Variants in PAQR3 observed in about 807,000 individuals in gnomAD.
The protein encoded by PAQR3 is progestin and adipoQ receptor family member 3.
PAQR3 carries 39 observed loss-of-function variants against 41.7 expected under a neutral mutation model. The ratio of observed to expected loss-of-function variants is 0.93; its 90% CI spans 0.72 to 1.22. The LOEUF is 1.22. Among genes scored for constraint, PAQR3 ranks in the 50% most tolerant of loss-of-function variants. The probability of loss-of-function intolerance (pLI) is 0.00; values close to 1 mark genes in which losing one functional copy is unlikely to be tolerated. For synonymous variants in PAQR3, 140 were observed against 140.6 expected (o/e 1.00, Z 0.03); for missense variants, 366 against 385.6 (o/e 0.95, Z 0.42).
intron 3 of PAQR3, among the ~76,000 whole-genome samples, chr4:78,929,455 T>G (rs1202624649): frequency 1.3e-5 from 2 of 152,184 alleles, no homozygotes; most frequent in Non-Finnish European, 2.9e-5. Flanking sequence ...GAGTTAAGGG[T>G]TCTACTCCGT....
chr4:78,938,964 A>C, intron 1 of PAQR3, 76 bp downstream of exon 1: 1 of 1,380,840 alleles, frequency 7.2e-7, no homozygotes, highest in African/African-American at 1.5e-5. Flanking sequence ...AAGGCGGGGA[A>C]AGCAGAAGGG....
chr4:78,890,942 C>A (rs1733400042), intron 11 of PAQR3, among the ~76,000 whole-genome samples: 1 of 152,134 alleles, frequency 6.6e-6, no homozygotes, highest in Non-Finnish European at 1.5e-5. Flanking sequence ...TGCCTGTAAT[C>A]CCAGCATTTT....
downstream of PAQR3, chr4:78,910,682 G>C (rs1179513676): frequency 6.2e-7 from 1 of 1,608,412 alleles, no homozygotes; most frequent in Admixed American, 1.7e-5. Flanking sequence ...ATCAAGAACG[G>C]TAAAACAAGT....
At chr4:78,929,239 G>A (rs1736568133) in intron 3 of PAQR3, among the ~76,000 whole-genome samples, 1 of 152,144 alleles carries the variant, frequency 6.6e-6, no homozygotes, top group Non-Finnish European at 1.5e-5. Context: ...GAAATAACTA[G>A]TAGGTATACT....
Position 78,900,655 on chromosome 4 carries a change from C to T in PAQR3, c.*836+5453G>A, listed in dbSNP as rs114016821. On this transcript the variant is annotated intron_variant and NMD_transcript_variant, in intron 11 of 12. Coordinates refer to the PAQR3 transcript ENST00000342820. ...ATGATCTTTCTGATTTATTTGTTGC[C>T]TTAGTTTATGATATCATTTCCAGAC... Among the ~76,000 whole-genome samples the T allele has an allele frequency of 6.2e-3, 949 of 152,212 alleles. 12 individuals are homozygous for T. The highest frequency in any genetic ancestry group is 0.022 in the African/African-American group (901 of 41,530).
At chr4:78,887,687 CTT>C (rs1242614705) in intron 12 of PAQR3, among the ~76,000 whole-genome samples, 2 of 152,018 alleles carry the variant, frequency 1.3e-5, no homozygotes, top group East Asian at 1.9e-4. Context: ...TTGTTTTACT[CTT>C]GTCTTCTTAT....
In PAQR3 at chr4:78,915,458, CTTTT is replaced by C. The variant is rs1205844912; in HGVS notation, c.*5077_*5080del. On this transcript the variant is annotated 3_prime_UTR_variant, in exon 6 of 6. Transcript: ENST00000512733. Reference sequence around the variant, plus strand: ...TAATATATTTAGAATGTGCAGTAAACTTTTTTCTCATTTTTTTTTCTTTTTAGCA... The same window carrying C: ...TAATATATTTAGAATGTGCAGTAAACTTCTCATTTTTTTTTCTTTTTAGCA... 1.3e-5 allele frequency: 2 copies of C among 151,754 alleles called. No individual in the cohort carries two copies. Among genetic ancestry groups the C allele is most frequent in the Non-Finnish European group, 2.9e-5 (2 of 67,834 alleles). 9.4% of individuals were successfully genotyped at this position (151,754 alleles called of 1,614,324 possible).
intron 11 of PAQR3, among the ~76,000 whole-genome samples, chr4:78,889,561 G>A (rs917063291): frequency 8.6e-5 from 13 of 151,944 alleles, no homozygotes; most frequent in Non-Finnish European, 1.8e-4. Context: ...TTCTTTAATA[G>A]CAAAATAATT....
Position 78,912,936 on chromosome 4 carries a change from G to A in PAQR3, c.*7603C>T, listed in dbSNP as rs1009033806. 5 of 152,038 alleles carry A rather than the reference G, an allele frequency of 3.3e-5. No individual in the cohort carries two copies. The highest frequency in any genetic ancestry group is 1.2e-4 in the African/African-American group (5 of 41,388). 9.4% of individuals were successfully genotyped at this position (152,038 alleles called of 1,614,324 possible). ...TCTTGCCCCAAACTTTTATTGTGAT[G>A]GCCCTAATAAAGCAGATTATTGGAA... is the stretch of plus-strand genomic sequence containing the variant. On this transcript the variant is annotated 3_prime_UTR_variant, in exon 6 of 6. Transcript: ENST00000512733.
downstream of PAQR3, among the ~76,000 whole-genome samples, chr4:78,908,772 G>C (rs565148579): frequency 6.6e-6 from 1 of 152,180 alleles, no homozygotes; most frequent in East Asian, 1.9e-4. Flanking sequence ...TAAAATTTGT[G>C]TGTGGGTACA....
chr4:78,917,736 G>A lies in PAQR3; in HGVS notation c.*2803C>T. On this transcript the variant is annotated 3_prime_UTR_variant, in exon 6 of 6. Transcript: ENST00000512733. Reference sequence around the variant, plus strand: ...GCTTTGCCCCTTGACATTTAATACAGGGCAAAGTATTATCTAGTAGGTACC... The same window carrying A: ...GCTTTGCCCCTTGACATTTAATACAAGGCAAAGTATTATCTAGTAGGTACC... 1.1e-6 allele frequency: 1 copy of A among 894,818 alleles called. No individual in the cohort carries two copies. The highest frequency in any genetic ancestry group is 1.3e-6 in the Non-Finnish European group (1 of 747,556). 55.4% of individuals were successfully genotyped at this position (894,818 alleles called of 1,614,324 possible).
chr4:78,911,443 C>A (rs1734596783), downstream of PAQR3: 1 of 1,613,968 alleles, frequency 6.2e-7, no homozygotes, highest in Non-Finnish European at 8.5e-7. Flanking sequence ...AACGGGGAGC[C>A]AGCAGCAAAA....
chr4:78,937,999 A>C (rs1737610057), intron 1 of PAQR3, among the ~76,000 whole-genome samples: 1 of 152,234 alleles, frequency 6.6e-6, no homozygotes. Flanking sequence ...AGGGCCATCC[A>C]TTCAAGCCAA....
chr4:78,887,201 A>G (rs1433195066), exon 13 of PAQR3: 3 of 1,610,708 alleles, frequency 1.9e-6, no homozygotes, highest in Non-Finnish European at 2.5e-6. Context: ...GCATCCTCAG[A>G]TAAGAATGTA....
chr4:78,910,973 C>T (rs78332054), downstream of PAQR3: 1 of 1,613,540 alleles, frequency 6.2e-7, no homozygotes, highest in Non-Finnish European at 8.5e-7. Context: ...TATGAGCAGG[C>T]TAAAGCAAAG....
Position 78,939,370 on chromosome 4 carries a change from C to T in PAQR3, c.-146G>A, listed in dbSNP as rs1053400360. 4 of 584,542 alleles carry T rather than the reference C, an allele frequency of 6.8e-6. No individual in the cohort carries two copies. Among genetic ancestry groups the T allele is most frequent in the Non-Finnish European group, 9.8e-6 (4 of 407,466 alleles). The allele number at this position is 584,542 out of a possible 1,614,324, so 36.2% of individuals were successfully genotyped here. On this transcript the variant is annotated 5_prime_UTR_variant, in exon 1 of 6. Coordinates refer to ENST00000512733, the MANE Select transcript of PAQR3 (RefSeq NM_001040202.2). ...CGCGCTGCCGCTGCTGCCCAGGGCC[C>T]GGCTCTGCGCTCACACCGGCCACTG...
chr4:78,903,539 C>T (rs1289945175), intron 11 of PAQR3, among the ~76,000 whole-genome samples: 2 of 151,882 alleles, frequency 1.3e-5, no homozygotes, highest in African/African-American at 2.4e-5. Context: ...AACATCATCC[C>T]TATCAGGTAA....
In PAQR3 at chr4:78,913,258, T is replaced by C. The variant is rs1194513506; in HGVS notation, c.*7281A>G. ...TGCACTAATATACCAGATCCTAAAA[T>C]GCATATAAGGTGGACTAGCATCTTA... On this transcript the variant is annotated 3_prime_UTR_variant, in exon 6 of 6. Coordinates refer to ENST00000512733, the MANE Select transcript of PAQR3 (RefSeq NM_001040202.2). The C allele has an allele frequency of 2.0e-5, 3 of 152,136 alleles. No individual in the cohort carries two copies. The highest frequency in any genetic ancestry group is 4.1e-4 in the South Asian group (2 of 4,828). The allele number at this position is 152,136 out of a possible 1,614,324, so 9.4% of individuals were successfully genotyped here.
chr4:78,919,517 C>T lies in PAQR3; in HGVS notation c.*1022G>A, dbSNP rs569978295. ...ATGCAATGCTAACACATGCAGAAAC[C>T]GAGGACCAGAGCACAGGTGAATAAG... On this transcript the variant is annotated 3_prime_UTR_variant, in exon 6 of 6. Coordinates refer to ENST00000512733, the MANE Select transcript of PAQR3 (RefSeq NM_001040202.2). 1.4e-5 allele frequency: 14 copies of T among 985,002 alleles called. No individual in the cohort carries two copies. Among genetic ancestry groups the T allele is most frequent in the Admixed American group, 1.2e-4 (2 of 16,202 alleles). 61.0% of individuals were successfully genotyped at this position (985,002 alleles called of 1,614,324 possible).
Sources: allele counts gnomAD v4.1 joint callset (sites outside exome capture counted in the v4.1 genomes callset), GRCh38; gene constraint gnomAD v4.1.1; transcripts MANE v1.5; gene names NCBI Gene and HGNC (gene_info 2026-07-23, HGNC 2026-07-21).